FGF12: variants seen among roughly 807,000 people sequenced by gnomAD.
FGF12 encodes the protein fibroblast growth factor 12B.
Under a neutral mutation model 23.6 loss-of-function variants are expected in FGF12, and 14 were observed. The observed-to-expected ratio is 0.59, with a 90% CI of 0.39 to 0.93. The LOEUF (loss-of-function observed/expected upper bound fraction) is 0.93. Among genes scored for constraint, FGF12 ranks in the 40% least tolerant of loss-of-function variants. The probability of loss-of-function intolerance (pLI) is 0.00; values close to 1 mark genes in which losing one functional copy is unlikely to be tolerated. For missense variants in FGF12, 175 were observed against 217.8 expected, an observed-to-expected ratio of 0.80 and a Z score of 1.24; for synonymous variants, 62 against 77.3, an observed-to-expected ratio of 0.80 and a Z score of 1.04.
intron 2 of FGF12, among the ~76,000 whole-genome samples, chr3:192,464,840 T>C (rs553766886): frequency 1.1e-4 from 17 of 152,112 alleles, no homozygotes; most frequent in Admixed American, 5.2e-4. Flanking sequence ...AGACAGTAGG[T>C]GCAGACACAC....
intron 2 of FGF12, among the ~76,000 whole-genome samples, chr3:192,701,157 T>C (rs1235934820): frequency 2.6e-5 from 4 of 152,198 alleles, no homozygotes; most frequent in Non-Finnish European, 5.9e-5. Context: ...AGACACTCCT[T>C]GCTATTGATT....
intron 5 of FGF12, 126 bp downstream of exon 5, chr3:192,170,332 T>C: frequency 1.4e-6 from 1 of 729,620 alleles, no homozygotes. Flanking sequence ...CTCTGAATAT[T>C]TCTTTTGAAT....
intron 2 of FGF12, among the ~76,000 whole-genome samples, chr3:192,503,121 T>TA (rs138551904): frequency 0.041 from 6,265 of 152,246 alleles, 423 homozygotes; most frequent in African/African-American, 0.14. Flanking sequence ...TATAAATACT[T>TA]ACAGTGTTTC....
At chr3:192,691,315 T>C (rs1717935143) in intron 2 of FGF12, among the ~76,000 whole-genome samples, 1 of 152,068 alleles carries the variant, frequency 6.6e-6, no homozygotes, top group African/African-American at 2.4e-5. Context: ...AATGCAAGAA[T>C]ATTGAAATCA....
chr3:192,376,194 C>T (rs1439934164), intron 2 of FGF12, among the ~76,000 whole-genome samples: 1 of 151,860 alleles, frequency 6.6e-6, no homozygotes, highest in African/African-American at 2.4e-5. Context: ...CAATGTTTTC[C>T]ATCTATTAAT....
intron 2 of FGF12, among the ~76,000 whole-genome samples, chr3:192,531,061 C>A (rs1485837514): frequency 6.6e-6 from 1 of 152,212 alleles, no homozygotes; most frequent in East Asian, 1.9e-4. Context: ...ATGCACCCAC[C>A]TCGGCCTCTC....
chr3:192,435,703 C>T (rs1308624548), intron 2 of FGF12, among the ~76,000 whole-genome samples: 1 of 152,150 alleles, frequency 6.6e-6, no homozygotes, highest in African/African-American at 2.4e-5. Context: ...AAGGATGAAA[C>T]AGCTTTGCTT....
At chr3:192,200,116 T>TGACCAGC (rs1717286016) in intron 4 of FGF12, among the ~76,000 whole-genome samples, 1 of 150,060 alleles carries the variant, frequency 6.7e-6, no homozygotes, top group Non-Finnish European at 1.5e-5. Context: ...CAGGAGTTTG[T>TGACCAGC]GACCAGCCTG....
chr3:192,550,991 G>A (rs1423802303), intron 2 of FGF12, among the ~76,000 whole-genome samples: 2 of 152,216 alleles, frequency 1.3e-5, no homozygotes, highest in East Asian at 1.9e-4. Flanking sequence ...AATAGATTGT[G>A]TATGCAATAT....
chr3:192,433,006 G>A (rs1382313023), intron 2 of FGF12, among the ~76,000 whole-genome samples: 1 of 152,166 alleles, frequency 6.6e-6, no homozygotes, highest in Non-Finnish European at 1.5e-5. Flanking sequence ...TCTAGGGAAT[G>A]GTACCCTTCA....
intron 2 of FGF12, among the ~76,000 whole-genome samples, chr3:192,451,899 T>G (rs1722534294): frequency 6.6e-6 from 1 of 152,234 alleles, no homozygotes; most frequent in African/African-American, 2.4e-5. Context: ...TGTCTCCTGG[T>G]GATGCGTAAA....
Position 192,164,080 on chromosome 3 carries a change from G to A in FGF12, c.427+6378C>T, listed in dbSNP as rs377384273. 2.6e-5 allele frequency among the ~76,000 whole-genome samples: 4 copies of A among 152,126 alleles called. No homozygotes were observed. The South Asian group carries it at 6.2e-4, about 24-fold the overall frequency. ...CCAGATCCTAAATACTCAGCCACCTGCAGTAGCTGAGCAATGTGCTTCTTG... is the reference window on the plus strand; with the variant it reads ...CCAGATCCTAAATACTCAGCCACCTACAGTAGCTGAGCAATGTGCTTCTTG... On this transcript the variant is annotated intron_variant, in intron 5 of 5. Coordinates refer to ENST00000445105, the MANE Select transcript of FGF12 (RefSeq NM_004113.6).
At chr3:192,698,509 CAATAAT>C (rs1418379136) in intron 2 of FGF12, among the ~76,000 whole-genome samples, 1 of 151,870 alleles carries the variant, frequency 6.6e-6, no homozygotes, top group Non-Finnish European at 1.5e-5. Context: ...TACACAACAA[CAATAAT>C]AAAAATATTT....
intron 2 of FGF12, among the ~76,000 whole-genome samples, chr3:192,677,987 T>C (rs1273715968): frequency 6.6e-6 from 1 of 152,244 alleles, no homozygotes; most frequent in African/African-American, 2.4e-5. Context: ...ACTGTCTAAA[T>C]GCTTTCTAAA....
chr3:192,211,166 G>C (rs1225588725), intron 4 of FGF12, among the ~76,000 whole-genome samples: 1 of 152,168 alleles, frequency 6.6e-6, no homozygotes, highest in African/African-American at 2.4e-5. Context: ...CTCTGGACAA[G>C]GTGAGAAATG....
At chr3:192,281,855 T>A (rs1435755318) in intron 4 of FGF12, among the ~76,000 whole-genome samples, 1 of 152,164 alleles carries the variant, frequency 6.6e-6, no homozygotes, top group African/African-American at 2.4e-5. Context: ...CAAATCCTCA[T>A]ACTTCCTGTA....
chr3:192,419,434 C>A (rs564055460), intron 2 of FGF12, among the ~76,000 whole-genome samples: 13 of 152,152 alleles, frequency 8.5e-5, no homozygotes, highest in Admixed American at 7.9e-4. Context: ...AACAAGATAT[C>A]CTGTGTGTGT....
chr3:192,630,701 C>T (rs1474206603), intron 2 of FGF12, among the ~76,000 whole-genome samples: 4 of 149,798 alleles, frequency 2.7e-5, no homozygotes, highest in African/African-American at 7.5e-5. Flanking sequence ...TACAGGCGCC[C>T]GCCACCACGC....
chr3:192,442,969 G>A (rs1252547875), intron 2 of FGF12, among the ~76,000 whole-genome samples: 4 of 151,798 alleles, frequency 2.6e-5, no homozygotes, highest in African/African-American at 4.8e-5. Flanking sequence ...CACCATGCCC[G>A]GCTAATTTTT....
Sources: allele counts gnomAD v4.1 joint callset (sites outside exome capture counted in the v4.1 genomes callset), GRCh38; gene constraint gnomAD v4.1.1; transcripts MANE v1.5; gene names NCBI Gene and HGNC (gene_info 2026-07-23, HGNC 2026-07-21).